Variants in PSD2 observed in about 807,000 individuals in gnomAD.
PSD2 encodes PH and SEC7 domain-containing protein 2.
Under a neutral mutation model 69.8 loss-of-function variants are expected in PSD2, and 38 were observed. The observed-to-expected ratio is 0.54, with a 90% CI of 0.42 to 0.71. PSD2 has a LOEUF of 0.71. PSD2 is among the 30% of genes least tolerant of loss of function. The probability of loss-of-function intolerance (pLI) is 0.00; values close to 1 mark genes in which losing one functional copy is unlikely to be tolerated. For synonymous variants in PSD2, 412 were observed against 423.0 expected, an observed-to-expected ratio of 0.97 and a Z score of 0.32; for missense variants, 943 against 1,014.5, an observed-to-expected ratio of 0.93 and a Z score of 0.96.
rs183585954 is a variant in PSD2 at position 139,814,620 on chromosome 5, G to A, written c.1016+256G>A. On this transcript the variant is annotated intron_variant, in intron 4 of 14. Coordinates refer to ENST00000274710, the MANE Select transcript of PSD2 (RefSeq NM_032289.4). This position sits in a 1 kb window ranked among gnomAD's most constrained non-coding sequence, Gnocchi z 4.4. ...GGCAGCCCCTCAGGGCTGGGGGTGCGGGATGTGGGATGTGGTTATGGGGCC... is the reference window on the plus strand; with the variant it reads ...GGCAGCCCCTCAGGGCTGGGGGTGCAGGATGTGGGATGTGGTTATGGGGCC... Among the ~76,000 whole-genome samples the A allele has an allele frequency of 3.2e-3, 486 of 152,170 alleles. 3 individuals carry two copies. Among genetic ancestry groups the A allele is most frequent in the African/African-American group, 0.011 (462 of 41,516 alleles).
the PSD2 span, among the ~76,000 whole-genome samples, chr5:139,747,043 C>T: frequency 6.6e-6 from 1 of 152,174 alleles, no homozygotes; most frequent in Non-Finnish European, 1.5e-5. The surrounding 1 kb of genome is among the most constrained non-coding windows in gnomAD (Gnocchi z 6.7). Context: ...TGTGTCTCCT[C>T]TCTGGCTCTG....
intron 2 of PSD2, among the ~76,000 whole-genome samples, chr5:139,811,487 T>A (rs1358501160): frequency 6.6e-6 from 1 of 152,168 alleles, no homozygotes; most frequent in Admixed American, 6.5e-5. Flanking sequence ...TCTTTGCACA[T>A]CATGGGCCTC....
At chr5:139,760,844 T>C in the PSD2 span, among the ~76,000 whole-genome samples, 2 of 152,058 alleles carry the variant, frequency 1.3e-5, no homozygotes, top group African/African-American at 4.8e-5. Context: ...CTACAGCCAA[T>C]AGAGAATGAT....
At chr5:139,800,249 C>A (rs1338035577) in intron 1 of PSD2, among the ~76,000 whole-genome samples, 2 of 152,254 alleles carry the variant, frequency 1.3e-5, no homozygotes, top group African/African-American at 4.8e-5. Flanking sequence ...TGGCCTACCC[C>A]ACTCCTGCAC....
intron 2 of PSD2, 127 bp downstream of exon 2, chr5:139,809,938 C>A: frequency 9.7e-7 from 1 of 1,027,356 alleles, no homozygotes; most frequent in East Asian, 2.5e-5. Context: ...TTTCATATCC[C>A]TCTTTTGCCC....
At chr5:139,835,601 A>G in intron 8 of PSD2, 122 bp from the exon 9 acceptor site, 1 of 940,332 alleles carries the variant, frequency 1.1e-6, no homozygotes, top group Non-Finnish European at 1.7e-6. Context: ...TATGAATCAA[A>G]CACCCACTTT....
At chr5:139,838,604 AC>A in intron 12 of PSD2, 23 bp from the exon 13 acceptor site, 1 of 1,603,826 alleles carries the variant, frequency 6.2e-7, no homozygotes, top group Non-Finnish European at 8.5e-7. Context: ...AGAGGCCGGC[AC>A]CCTCTCCCCC....
chr5:139,773,305 C>T, the PSD2 span, among the ~76,000 whole-genome samples: 3 of 152,096 alleles, frequency 2.0e-5, no homozygotes, highest in East Asian at 1.9e-4. Context: ...TTTTGTCACC[C>T]GGGCTGGAGT....
chr5:139,766,857 T>C, the PSD2 span, among the ~76,000 whole-genome samples: 1 of 149,746 alleles, frequency 6.7e-6, no homozygotes, highest in African/African-American at 2.5e-5. Flanking sequence ...CTTTCTTTCT[T>C]TCTTTCTTTC....
In PSD2 at chr5:139,837,496, G is replaced by A; in HGVS notation, c.1666-129G>A. On this transcript the variant is annotated intron_variant, in intron 11 of 14. Coordinates refer to ENST00000274710, the MANE Select transcript of PSD2 (RefSeq NM_032289.4). This position sits in a 1 kb window ranked among gnomAD's most constrained non-coding sequence, Gnocchi z 5.0. ...TAAGGGGAGGAGTACCTGGATTCTT[G>A]TTGGGGTGGGTGAGGCAGCAGGAAC... 2 of 1,021,392 alleles carry A rather than the reference G, an allele frequency of 2.0e-6. No individual in the cohort carries two copies. The highest frequency in any genetic ancestry group is 2.5e-5 in the East Asian group (1 of 40,342). The allele number at this position is 1,021,392 out of a possible 1,614,324, so 63.3% of individuals were successfully genotyped here.
chr5:139,766,928 CCCTTCTTTCTTTCTTT>C, the PSD2 span, among the ~76,000 whole-genome samples: 309 of 31,238 alleles, frequency 9.9e-3, 11 homozygotes, highest in Middle Eastern at 0.015. Context: ...TTCCTTCCTT[CCCTTCTTTCTTTCTTT>C]CTTTCTTTCT....
At chr5:139,781,055 G>C in the PSD2 span, among the ~76,000 whole-genome samples, 1 of 152,138 alleles carries the variant, frequency 6.6e-6, no homozygotes, top group African/African-American at 2.4e-5. Context: ...AGCTTCTGAT[G>C]CCATCCCCTT....
chr5:139,744,040 T>C, the PSD2 span, among the ~76,000 whole-genome samples: 1 of 152,092 alleles, frequency 6.6e-6, no homozygotes, highest in Non-Finnish European at 1.5e-5. Flanking sequence ...CACTAAGCAT[T>C]ATCCACCCCA....
the PSD2 span, among the ~76,000 whole-genome samples, chr5:139,753,233 C>T: frequency 5.3e-5 from 8 of 152,140 alleles, no homozygotes; most frequent in Admixed American, 5.2e-4. Context: ...GATTTGGACA[C>T]GAGAAGGGAC....
chr5:139,777,365 C>T, the PSD2 span, among the ~76,000 whole-genome samples: 1 of 152,126 alleles, frequency 6.6e-6, no homozygotes, highest in Non-Finnish European at 1.5e-5. Flanking sequence ...TTGTTGCAAA[C>T]AGATGCCAAT....
the PSD2 span, among the ~76,000 whole-genome samples, chr5:139,762,894 C>T: frequency 1.2e-3 from 187 of 151,994 alleles, no homozygotes; most frequent in Non-Finnish European, 2.0e-3. Context: ...GGGAGAGCAG[C>T]GGAGTCGCTG....
intron 4 of PSD2, among the ~76,000 whole-genome samples, chr5:139,816,878 G>GA (rs905081159): frequency 3.9e-5 from 6 of 152,326 alleles, no homozygotes; most frequent in African/African-American, 1.4e-4. Flanking sequence ...GCCTCGTCCT[G>GA]AAGTCTCACA....
the PSD2 span, among the ~76,000 whole-genome samples, chr5:139,754,481 T>TCC: frequency 6.6e-6 from 1 of 151,502 alleles, no homozygotes; most frequent in Non-Finnish European, 1.5e-5. Context: ...TCGCTTGAGC[T>TCC]CAGGAGTTCG....
intron 1 of PSD2, among the ~76,000 whole-genome samples, chr5:139,799,783 G>T (rs1262844430): frequency 6.6e-6 from 1 of 152,106 alleles, no homozygotes; most frequent in African/African-American, 2.4e-5. Flanking sequence ...GGGGGGTATC[G>T]GAGAAGGGGA....
Sources: gnomAD v4.1 joint callset for allele counts (sites outside exome capture counted in the v4.1 genomes callset) on GRCh38, gnomAD v4.1.1 for gene constraint, Gnocchi (gnomAD v3.1) non-coding constraint, MANE v1.5 for transcripts, NCBI Gene and HGNC (gene_info 2026-07-23, HGNC 2026-07-21) for gene names.